The following SLC25A21 variants were observed in gnomAD, a reference collection of about 807,000 sequenced individuals.
SLC25A21 encodes solute carrier family 25 member 21.
Under a neutral mutation model 43.8 loss-of-function variants are expected in SLC25A21, and 47 were observed. That is an observed-to-expected ratio of 1.07 (90% confidence interval 0.85 to 1.37). The LOEUF (loss-of-function observed/expected upper bound fraction) is 1.37, where lower values mean the gene tolerates loss of function less well. Ranked by LOEUF, SLC25A21 falls within the 40% of genes most tolerant of loss-of-function variation. The pLI, the probability that SLC25A21 is intolerant of heterozygous loss-of-function variation, is 0.00. For missense variants in SLC25A21, 352 were observed against 350.2 expected (o/e 1.00, Z -0.04); for synonymous variants, 131 against 121.3 (o/e 1.08, Z -0.52).
chr14:36,962,362 A>T (rs912304670), intron 1 of SLC25A21, among the ~76,000 whole-genome samples: 1 of 152,102 alleles, frequency 6.6e-6, no homozygotes, highest in Non-Finnish European at 1.5e-5. Flanking sequence ...AAAATCTCTG[A>T]CACTATATAA....
chr14:37,037,345 A>G (rs1177244796), intron 1 of SLC25A21, among the ~76,000 whole-genome samples: 3 of 152,126 alleles, frequency 2.0e-5, no homozygotes, highest in Non-Finnish European at 4.4e-5. Flanking sequence ...AGTTTCCTGG[A>G]AGCATCACCA....
intron 1 of SLC25A21, among the ~76,000 whole-genome samples, chr14:36,919,858 G>C (rs1891932844): frequency 6.6e-6 from 1 of 151,970 alleles, no homozygotes; most frequent in Non-Finnish European, 1.5e-5. Flanking sequence ...AAGACAAAAA[G>C]ACAAATAATG....
chr14:36,792,487 T>A (rs1887523034), intron 3 of SLC25A21, among the ~76,000 whole-genome samples: 1 of 152,120 alleles, frequency 6.6e-6, no homozygotes, highest in Non-Finnish European at 1.5e-5. Flanking sequence ...TACCCCTCCC[T>A]CATGAAAATG....
At chr14:36,964,123 T>C (rs1959560946) in intron 1 of SLC25A21, among the ~76,000 whole-genome samples, 1 of 152,232 alleles carries the variant, frequency 6.6e-6, no homozygotes, top group Non-Finnish European at 1.5e-5. Context: ...CTAATTATCA[T>C]GGATTCAAAC....
At chr14:36,809,322 C>T (rs967837458) in intron 3 of SLC25A21, among the ~76,000 whole-genome samples, 3 of 152,134 alleles carry the variant, frequency 2.0e-5, no homozygotes, top group Non-Finnish European at 1.5e-5. Context: ...GTTCTCTCTT[C>T]TGTGTTACAG....
At chr14:37,001,696 T>C (rs977615114) in intron 1 of SLC25A21, among the ~76,000 whole-genome samples, 2 of 152,144 alleles carry the variant, frequency 1.3e-5, no homozygotes, top group Admixed American at 6.6e-5. Flanking sequence ...CAAATTTAAG[T>C]AAGACACATT....
intron 3 of SLC25A21, among the ~76,000 whole-genome samples, chr14:36,779,232 TAA>T (rs1432516161): frequency 2.0e-5 from 3 of 146,544 alleles, no homozygotes; most frequent in Admixed American, 1.4e-4. Flanking sequence ...TTCTTATATA[TAA>T]GATATAGATA....
intron 1 of SLC25A21, among the ~76,000 whole-genome samples, chr14:36,912,486 A>C (rs1363282000): frequency 6.6e-6 from 1 of 152,176 alleles, no homozygotes; most frequent in Non-Finnish European, 1.5e-5. Context: ...ATCTGAGTGG[A>C]TTACAACAAT....
intron 3 of SLC25A21, among the ~76,000 whole-genome samples, chr14:36,756,805 T>C (rs142424842): frequency 1.1e-3 from 174 of 152,268 alleles, no homozygotes; most frequent in African/African-American, 4.0e-3. Context: ...AAGATAAATA[T>C]TCAAACAATA....
At chr14:36,826,062 C>T (rs78861856) in intron 2 of SLC25A21, among the ~76,000 whole-genome samples, 1,752 of 152,310 alleles carry the variant, frequency 0.012, 36 homozygotes, top group African/African-American at 0.04. Context: ...TGAATGCCTG[C>T]TCTGTACTGG....
At chr14:36,939,053 TTGTAATTAATGA>T (rs1892494099) in intron 1 of SLC25A21, among the ~76,000 whole-genome samples, 1 of 152,190 alleles carries the variant, frequency 6.6e-6, no homozygotes, top group Non-Finnish European at 1.5e-5. Context: ...ATAAATCTGT[TTGTAATTAATGA>T]AGTCTTCTCA....
chr14:36,739,065 T>G (rs1039877344), intron 3 of SLC25A21, among the ~76,000 whole-genome samples: 2 of 152,210 alleles, frequency 1.3e-5, no homozygotes, highest in African/African-American at 2.4e-5. Flanking sequence ...CTATACTGTA[T>G]AGCTTTTTTT....
At chr14:37,054,219 C>G (rs975493737) in intron 1 of SLC25A21, among the ~76,000 whole-genome samples, 1 of 152,098 alleles carries the variant, frequency 6.6e-6, no homozygotes, top group Admixed American at 6.5e-5. Context: ...CTGAGCCTAG[C>G]CTCCCAGCCA....
rs1457524662 is a variant in SLC25A21, at chr14:36,804,294, T to C, written c.203+9624A>G. Among the ~76,000 whole-genome samples the C allele has an allele frequency of 2.0e-5, 3 of 152,284 alleles. No individual in the cohort carries two copies. In the East Asian group the frequency reaches 5.8e-4, roughly 29 times the overall value. The stretch of plus-strand genomic sequence containing the variant: ...CAAGGCTTTGAACCCAAAGAGGGAA[T>C]GGTGTAAATGTGAGGTGCTGCTTCT... On this transcript the variant is annotated intron_variant, in intron 3 of 9. Transcript: ENST00000331299.
intron 1 of SLC25A21, among the ~76,000 whole-genome samples, chr14:37,081,526 C>A (rs997719308): frequency 1.5e-4 from 23 of 152,290 alleles, no homozygotes; most frequent in African/African-American, 5.5e-4. Flanking sequence ...TCTCCCAAGA[C>A]TGTTGTATCA....
chr14:37,015,966 C>T (rs374035149), intron 1 of SLC25A21, among the ~76,000 whole-genome samples: 47,510 of 149,098 alleles, frequency 0.32, 7,674 homozygotes, highest in Middle Eastern at 0.36. Context: ...GAGTAGGTTG[C>T]GAAAATTTTC....
chr14:37,019,605 T>A (rs1289016557), intron 1 of SLC25A21, among the ~76,000 whole-genome samples: 2 of 151,624 alleles, frequency 1.3e-5, no homozygotes, highest in Non-Finnish European at 2.9e-5. Flanking sequence ...GGAAATGTGT[T>A]AGGAGGGGAA....
chr14:37,038,869 C>A (rs1961383411), intron 1 of SLC25A21, among the ~76,000 whole-genome samples: 1 of 152,168 alleles, frequency 6.6e-6, no homozygotes, highest in African/African-American at 2.4e-5. Flanking sequence ...CGACCAGGGT[C>A]TCCTAGCCTG....
chr14:36,708,446 A>AT lies in SLC25A21; in HGVS notation c.603+2871dup, dbSNP rs924581507. Among the ~76,000 whole-genome samples, 10 of 151,788 alleles carry AT rather than the reference A, an allele frequency of 6.6e-5. No homozygotes were observed. The South Asian group carries it at 1.0e-3, about 16-fold the overall frequency. On this transcript the variant is annotated intron_variant, in intron 7 of 9. Coordinates refer to ENST00000331299, the MANE Select transcript of SLC25A21 (RefSeq NM_030631.4). ...AAAAATTGGGCAGACACATGTCAAC[A>AT]TTTTTTTTTAAAATAAGATCTTTCC... is the stretch of plus-strand genomic sequence containing the variant.
Sources: gnomAD v4.1 joint callset for allele counts (sites outside exome capture counted in the v4.1 genomes callset) on GRCh38, gnomAD v4.1.1 for gene constraint, MANE v1.5 for transcripts, NCBI Gene and HGNC (gene_info 2026-07-23, HGNC 2026-07-21) for gene names.